The following PTCHD4 variants were observed in gnomAD, a reference collection of about 807,000 sequenced individuals.
The protein encoded by PTCHD4 is patched domain-containing protein 4.
In PTCHD4, 33 loss-of-function variants were observed where a neutral mutation model predicts 58.1. The ratio of observed to expected loss-of-function variants is 0.57; its 90% confidence interval spans 0.43 to 0.76. The LOEUF (loss-of-function observed/expected upper bound fraction) is 0.76. PTCHD4 is among the 30% of genes least tolerant of loss of function. The pLI is 0.00. For missense variants in PTCHD4, 1,058 were observed against 1,027.1 expected, an observed-to-expected ratio of 1.03 and a Z score of -0.41; for synonymous variants, 478 against 409.6, an observed-to-expected ratio of 1.17 and a Z score of -2.02.
In PTCHD4 at chr6:47,869,153, A is replaced by G. The variant is rs1763652766; in HGVS notation, c.*9150T>C. Among the ~76,000 whole-genome samples the G allele has an allele frequency of 6.6e-6, 1 of 151,706 alleles. No homozygotes were observed. The highest frequency in any genetic ancestry group is 1.5e-5 in the Non-Finnish European group (1 of 67,782). The stretch of plus-strand genomic sequence containing the variant: ...TCTATGCGTTATGTATAATGCCACC[A>G]CATTATTCATCAAAATACAGTGGAC... On this transcript the variant is annotated 3_prime_UTR_variant, in exon 5 of 5. Transcript: ENST00000339488.
Position 47,861,148 on chromosome 6 carries a change from T to C in PTCHD4, c.*17155A>G, listed in dbSNP as rs750118726. On this transcript the variant is annotated 3_prime_UTR_variant, in exon 5 of 5. Coordinates refer to ENST00000339488, the MANE Select transcript of PTCHD4 (RefSeq NM_001384253.1). ...GGGCAAGATTGTTTTTCTCCATCTG[T>C]AGATGAATTCTTCTTTTTACCTAAA... Among the ~76,000 whole-genome samples, 67 of 152,128 alleles carry C rather than the reference T, an allele frequency of 4.4e-4. No homozygotes were observed. Among genetic ancestry groups the C allele is most frequent in the Non-Finnish European group, 7.2e-4 (49 of 67,926 alleles).
intron 4 of PTCHD4, among the ~76,000 whole-genome samples, chr6:47,988,355 A>G (rs1768156119): frequency 6.6e-6 from 1 of 152,214 alleles, no homozygotes; most frequent in South Asian, 2.1e-4. Flanking sequence ...AATAGTGACT[A>G]TCACATACTT....
chr6:47,912,574 C>T lies in PTCHD4; in HGVS notation c.899-32638G>A, dbSNP rs114529105. Among the ~76,000 whole-genome samples the T allele has an allele frequency of 9.1e-3, 1,391 of 152,212 alleles. 15 individuals carry two copies. The highest frequency in any genetic ancestry group is 0.029 in the African/African-American group (1,210 of 41,530). On this transcript the variant is annotated intron_variant, in intron 4 of 4. Transcript: ENST00000339488. Reference sequence around the variant, plus strand: ...CTGTATTTCCATTTCCTCAGTCTCACTATTACCTTCCTTCATACCTTCTTT... The same window carrying T: ...CTGTATTTCCATTTCCTCAGTCTCATTATTACCTTCCTTCATACCTTCTTT...
At chr6:47,944,783 A>C (rs887802997) in intron 4 of PTCHD4, among the ~76,000 whole-genome samples, 4 of 152,136 alleles carry the variant, frequency 2.6e-5, no homozygotes, top group Non-Finnish European at 4.4e-5. Flanking sequence ...ACTCTTTGCC[A>C]AACACTGAGT....
intron 4 of PTCHD4, among the ~76,000 whole-genome samples, chr6:47,987,941 T>C (rs1040069740): frequency 1.3e-5 from 2 of 152,084 alleles, no homozygotes; most frequent in Non-Finnish European, 2.9e-5. Context: ...GTACCCTGAC[T>C]AATTTTTGTA....
chr6:48,022,298 C>A (rs1468658708), intron 3 of PTCHD4, among the ~76,000 whole-genome samples: 1 of 151,620 alleles, frequency 6.6e-6, no homozygotes, highest in East Asian at 1.9e-4. Context: ...CTCAAAGCCA[C>A]AGTGAGGGAT....
chr6:48,016,255 C>G (rs80062779), intron 3 of PTCHD4, among the ~76,000 whole-genome samples: 6,759 of 151,944 alleles, frequency 0.044, 217 homozygotes, highest in African/African-American at 0.052. Flanking sequence ...GGATTTGAGG[C>G]TACAGAAGGC....
intron 1 of PTCHD4, among the ~76,000 whole-genome samples, chr6:48,092,364 T>C (rs1270916315): frequency 6.6e-6 from 1 of 152,216 alleles, no homozygotes; most frequent in East Asian, 1.9e-4. Flanking sequence ...TTTTTTATTT[T>C]GCATTTAAAC....
intron 1 of PTCHD4, among the ~76,000 whole-genome samples, chr6:48,078,762 A>G (rs1218974265): frequency 6.6e-6 from 1 of 152,148 alleles, no homozygotes; most frequent in African/African-American, 2.4e-5. Context: ...AAAGTACTCT[A>G]AAAATGTATC....
At position 47,988,270 on chromosome 6, in the gene PTCHD4, T is replaced by C. The variant is rs186094289; in HGVS notation, c.898+20364A>G. Among the ~76,000 whole-genome samples the C allele has an allele frequency of 4.7e-3, 719 of 152,326 alleles. 3 individuals are homozygous for C. The highest frequency in any genetic ancestry group is 0.016 in the African/African-American group (648 of 41,576). On this transcript the variant is annotated intron_variant, in intron 4 of 4. Transcript: ENST00000339488. ...GTAGTGCTGTCAAGTTCTAGGCTGA[T>C]ACAAACACATAGCCACTTTGGAAGA...
At chr6:48,005,342 C>A (rs12210917) in intron 4 of PTCHD4, among the ~76,000 whole-genome samples, 18,739 of 152,112 alleles carry the variant, frequency 0.12, 1,505 homozygotes, top group South Asian at 0.2. Flanking sequence ...AATAAATATT[C>A]ACTATCTCAA....
Position 48,009,112 on chromosome 6 carries a change from A to G in PTCHD4, c.420T>C (p.Asp140=), listed in dbSNP as rs376993978. 1 of 1,597,420 alleles carries G rather than the reference A, an allele frequency of 6.3e-7. No individual in the cohort carries two copies. Among genetic ancestry groups the G allele is most frequent in the African/African-American group, 1.3e-5 (1 of 74,232 alleles). The change falls in exon 4 of 5, where the codon GAT becomes GAC. Residue 140 remains aspartate, a splice_region_variant and synonymous_variant. Coordinates refer to ENST00000339488, the MANE Select transcript of PTCHD4 (RefSeq NM_001384253.1). ...QTHRAVLEMK[D]GRNSFIGHQL... Reference sequence around the variant, plus strand: ...GGTGTCCAATAAAACTGTTCCTCCCATCCTTGAAAACAGAAAAAGAAGAGA... The same window carrying G: ...GGTGTCCAATAAAACTGTTCCTCCCGTCCTTGAAAACAGAAAAAGAAGAGA...
intron 1 of PTCHD4, among the ~76,000 whole-genome samples, chr6:48,106,896 G>A (rs563285881): frequency 2.0e-5 from 3 of 152,014 alleles, no homozygotes; most frequent in African/African-American, 7.3e-5. Context: ...CTTACAAGGG[G>A]CATGAAGGAC....
chr6:47,886,266 T>C (rs1764192894), intron 4 of PTCHD4, among the ~76,000 whole-genome samples: 1 of 152,200 alleles, frequency 6.6e-6, no homozygotes, highest in Non-Finnish European at 1.5e-5. Flanking sequence ...CAATTGGAAC[T>C]AATTGTAACT....
intron 3 of PTCHD4, among the ~76,000 whole-genome samples, chr6:48,018,373 T>C (rs1470145661): frequency 2.0e-5 from 3 of 152,114 alleles, no homozygotes; most frequent in Non-Finnish European, 4.4e-5. Context: ...AGACACTACA[T>C]AGTATGCTGC....
chr6:47,931,175 G>A (rs922015157), intron 4 of PTCHD4, among the ~76,000 whole-genome samples: 1 of 152,230 alleles, frequency 6.6e-6, no homozygotes, highest in Non-Finnish European at 1.5e-5. Context: ...CCTGAATGAG[G>A]GACCTGGCAG....
intron 4 of PTCHD4, among the ~76,000 whole-genome samples, chr6:47,974,099 G>C (rs1467223360): frequency 2.0e-5 from 3 of 152,190 alleles, no homozygotes; most frequent in Non-Finnish European, 4.4e-5. Context: ...ACATAAAGAA[G>C]AAGACGGGAA....
At chr6:47,885,107 T>C (rs1764142271) in intron 4 of PTCHD4, among the ~76,000 whole-genome samples, 1 of 152,180 alleles carries the variant, frequency 6.6e-6, no homozygotes, top group Non-Finnish European at 1.5e-5. Flanking sequence ...CTGCATTAGA[T>C]TAATATAATA....
At chr6:47,996,240 G>C (rs1768481265) in intron 4 of PTCHD4, among the ~76,000 whole-genome samples, 1 of 152,110 alleles carries the variant, frequency 6.6e-6, no homozygotes, top group South Asian at 2.1e-4. Flanking sequence ...AGGCTGAGGC[G>C]AGCGGATCAC....
Sources: gnomAD v4.1 joint callset for allele counts (sites outside exome capture counted in the v4.1 genomes callset) on GRCh38, gnomAD v4.1.1 for gene constraint, MANE v1.5 for transcripts, NCBI Gene and HGNC (gene_info 2026-07-23, HGNC 2026-07-21) for gene names.